Variants in CNTN6 observed in about 807,000 individuals in gnomAD.
CNTN6 encodes contactin 6.
A neutral mutation model predicts 122.8 loss-of-function variants in CNTN6; 137 were observed. That is an observed-to-expected ratio of 1.12 (90% CI 0.97 to 1.29). CNTN6 has a LOEUF of 1.29. Among genes scored for constraint, CNTN6 ranks in the 50% most tolerant of loss-of-function variants. The pLI, the probability that CNTN6 is intolerant of heterozygous loss-of-function variation, is 0.00. For synonymous variants in CNTN6, 570 were observed against 426.0 expected (o/e 1.34, Z -4.16); for missense variants, 1,634 against 1,223.4 (o/e 1.34, Z -5.01).
At chr3:1,379,225 T>C (rs986315135) in intron 17 of CNTN6, among the ~76,000 whole-genome samples, 3 of 152,182 alleles carry the variant, frequency 2.0e-5, no homozygotes, top group Admixed American at 2.0e-4. Context: ...TGTTCTTTTT[T>C]CTTTAAGGCA....
chr3:1,209,036 A>G (rs1344524532), intron 2 of CNTN6, among the ~76,000 whole-genome samples: 1 of 152,166 alleles, frequency 6.6e-6, no homozygotes, highest in African/African-American at 2.4e-5. Flanking sequence ...GTCTGGCTTT[A>G]ACCTAAAGAG....
At chr3:1,138,326 T>C (rs2092531530) in intron 1 of CNTN6, among the ~76,000 whole-genome samples, 1 of 151,830 alleles carries the variant, frequency 6.6e-6, no homozygotes, top group Non-Finnish European at 1.5e-5. Context: ...TTGGTCCAAC[T>C]TCACACTATA....
At chr3:1,329,606 C>A (rs1331889999) in intron 10 of CNTN6, among the ~76,000 whole-genome samples, 179 bp from the exon 11 acceptor site, 1 of 151,820 alleles carries the variant, frequency 6.6e-6, no homozygotes, top group Non-Finnish European at 1.5e-5. Context: ...ATTTTACAAA[C>A]AAAACATAAA....
intron 1 of CNTN6, among the ~76,000 whole-genome samples, chr3:1,133,696 T>C (rs144184601): frequency 1.3e-3 from 195 of 152,314 alleles, no homozygotes; most frequent in African/African-American, 4.4e-3. Flanking sequence ...AATGCTGTCT[T>C]GGATATGTGA....
At chr3:1,165,411 C>G (rs2093224509) in intron 2 of CNTN6, among the ~76,000 whole-genome samples, 1 of 152,142 alleles carries the variant, frequency 6.6e-6, no homozygotes. Flanking sequence ...CTGCTTGGAT[C>G]AAACGCTTCA....
chr3:1,327,422 G>A (rs145695946), intron 9 of CNTN6, 35 bp from the exon 10 acceptor site: 178 of 1,595,822 alleles, frequency 1.1e-4, no homozygotes, highest in East Asian at 7.9e-4. Context: ...CTATATTAAC[G>A]TACAAGCATC....
chr3:1,168,825 C>A (rs1428233190), intron 2 of CNTN6, among the ~76,000 whole-genome samples: 2 of 152,144 alleles, frequency 1.3e-5, no homozygotes, highest in Non-Finnish European at 1.5e-5. Flanking sequence ...AAAAAAGGGA[C>A]ATTCTAGAAG....
intron 1 of CNTN6, among the ~76,000 whole-genome samples, chr3:1,145,305 T>A (rs912553127): frequency 2.6e-5 from 4 of 152,194 alleles, no homozygotes; most frequent in Admixed American, 2.0e-4. Context: ...ATATGCTGAA[T>A]TTTTTACAAA....
chr3:1,113,923 C>T (rs1361742544), intron 1 of CNTN6, among the ~76,000 whole-genome samples: 1 of 152,154 alleles, frequency 6.6e-6, no homozygotes, highest in East Asian at 1.9e-4. Flanking sequence ...ACAGTATGGG[C>T]ACAGAGCAAG....
chr3:1,352,486 T>C (rs1191616717), intron 12 of CNTN6, 35 bp downstream of exon 12: 2 of 1,606,356 alleles, frequency 1.2e-6, no homozygotes, highest in Non-Finnish European at 1.7e-6. Flanking sequence ...TTGATGAACA[T>C]TGTAAATATG....
At chr3:1,376,256 G>A (rs960477802) in intron 16 of CNTN6, among the ~76,000 whole-genome samples, 1 of 152,034 alleles carries the variant, frequency 6.6e-6, no homozygotes, top group African/African-American at 2.4e-5. Flanking sequence ...CATTTCCTCA[G>A]TTTTACAGTT....
intron 5 of CNTN6, among the ~76,000 whole-genome samples, chr3:1,291,483 G>T (rs1695315983): frequency 6.6e-6 from 1 of 152,118 alleles, no homozygotes; most frequent in South Asian, 2.1e-4. Context: ...AAGTGAAAGG[G>T]GTGACATTGG....
At chr3:1,141,328 A>C (rs1418738098) in intron 1 of CNTN6, among the ~76,000 whole-genome samples, 1 of 152,172 alleles carries the variant, frequency 6.6e-6, no homozygotes, top group Non-Finnish European at 1.5e-5. Flanking sequence ...CTTGATCTTC[A>C]CTATGAAATC....
At chr3:1,101,601 G>T (rs73816450) in intron 1 of CNTN6, among the ~76,000 whole-genome samples, 2,198 of 152,172 alleles carry the variant, frequency 0.014, 52 homozygotes, top group African/African-American at 0.05. Context: ...TTTGTAATAG[G>T]CAATGGAACA....
intron 2 of CNTN6, among the ~76,000 whole-genome samples, chr3:1,156,670 C>T (rs896764055): frequency 8.9e-6 from 1 of 112,160 alleles, no homozygotes; most frequent in East Asian, 3.7e-4. Flanking sequence ...TCCCTTCCTT[C>T]CTTCCTTCCT....
intron 1 of CNTN6, among the ~76,000 whole-genome samples, chr3:1,104,464 G>A (rs535152955): frequency 6.6e-6 from 1 of 152,024 alleles, no homozygotes; most frequent in Non-Finnish European, 1.5e-5. Flanking sequence ...TCCCTGAAAG[G>A]TATTCATTTT....
chr3:1,331,670 G>A (rs1426176038), intron 11 of CNTN6, among the ~76,000 whole-genome samples: 7 of 151,940 alleles, frequency 4.6e-5, no homozygotes, highest in Non-Finnish European at 1.0e-4. Context: ...TGTACTGAGG[G>A]TCTGGACAAA....
chr3:1,140,795 A>C (rs557615501), intron 1 of CNTN6, among the ~76,000 whole-genome samples: 1 of 152,212 alleles, frequency 6.6e-6, no homozygotes, highest in Non-Finnish European at 1.5e-5. Flanking sequence ...ACATGTAATC[A>C]TGGCTCCTCT....
intron 11 of CNTN6, among the ~76,000 whole-genome samples, chr3:1,349,121 G>A (rs1205214426): frequency 6.6e-6 from 1 of 151,906 alleles, no homozygotes; most frequent in Non-Finnish European, 1.5e-5. Flanking sequence ...TATTTAAACT[G>A]CTGTTGAATT....
Sources: allele counts gnomAD v4.1 joint callset (sites outside exome capture counted in the v4.1 genomes callset), GRCh38; gene constraint gnomAD v4.1.1; transcripts MANE v1.5; gene names NCBI Gene and HGNC (gene_info 2026-07-23, HGNC 2026-07-21).